Variants in SOX6 observed in about 807,000 individuals in gnomAD.
The protein encoded by SOX6 is transcription factor SOX-6.
In SOX6, 11 loss-of-function variants were observed where a neutral mutation model predicts 97.8. The ratio of observed to expected loss-of-function variants is 0.11; its 90% CI spans 0.07 to 0.19. The LOEUF (loss-of-function observed/expected upper bound fraction) is 0.19. SOX6 is among the 10% of genes least tolerant of loss of function. The pLI is 1.00. For missense variants in SOX6, 810 were observed against 1,039.5 expected (o/e 0.78, Z 3.04); for synonymous variants, 360 against 371.4 (o/e 0.97, Z 0.35).
chr11:16,072,434 A>G (rs1270270682), intron 9 of SOX6, among the ~76,000 whole-genome samples: 1 of 152,316 alleles, frequency 6.6e-6, no homozygotes, highest in East Asian at 1.9e-4. Flanking sequence ...ACCTCCAAGA[A>G]ATATGGGATT....
intron 4 of SOX6, among the ~76,000 whole-genome samples, chr11:16,545,376 A>T (rs11023983): frequency 6.6e-6 from 1 of 150,712 alleles, no homozygotes; most frequent in African/African-American, 2.4e-5. Flanking sequence ...ACATCTCAAT[A>T]GACACAGAAA....
intron 4 of SOX6, among the ~76,000 whole-genome samples, chr11:16,548,514 A>G (rs978148869): frequency 1.3e-5 from 2 of 152,210 alleles, no homozygotes; most frequent in South Asian, 4.1e-4. Context: ...AAAACTATAA[A>G]ATTTCTAGAA....
intron 3 of SOX6, among the ~76,000 whole-genome samples, chr11:16,266,239 G>T (rs983320336): frequency 4.0e-5 from 6 of 151,638 alleles, no homozygotes; most frequent in Non-Finnish European, 8.9e-5. Context: ...ATTCCTCATT[G>T]AAAACAACTC....
At chr11:16,552,218 T>G (rs1377438159) in intron 4 of SOX6, among the ~76,000 whole-genome samples, 1 of 152,072 alleles carries the variant, frequency 6.6e-6, no homozygotes, top group South Asian at 2.1e-4. Flanking sequence ...AGGAGTTAAG[T>G]GTTCCTTTAA....
At chr11:16,126,767 A>G (rs1045668746) in intron 6 of SOX6, among the ~76,000 whole-genome samples, 2 of 152,168 alleles carry the variant, frequency 1.3e-5, no homozygotes, top group Non-Finnish European at 1.5e-5. Flanking sequence ...GTCTAAAGAA[A>G]TCAAGAATAG....
At chr11:16,182,553 G>C (rs375347146) in intron 6 of SOX6, among the ~76,000 whole-genome samples, 170 of 151,966 alleles carry the variant, frequency 1.1e-3, no homozygotes, top group African/African-American at 3.9e-3. Flanking sequence ...GAGATATCAG[G>C]ATGAGAAATT....
intron 12 of SOX6, among the ~76,000 whole-genome samples, chr11:16,021,221 T>C (rs1229720576): frequency 6.6e-6 from 1 of 152,158 alleles, no homozygotes; most frequent in Non-Finnish European, 1.5e-5. Context: ...GAAGTACACA[T>C]TTCAAAATAA....
chr11:16,674,015 C>T (rs1000472271), intron 3 of SOX6, among the ~76,000 whole-genome samples: 1 of 151,812 alleles, frequency 6.6e-6, no homozygotes, highest in Non-Finnish European at 1.5e-5. Flanking sequence ...TGGTGAAACC[C>T]CGTCTCTACT....
intron 2 of SOX6, among the ~76,000 whole-genome samples, chr11:16,339,336 T>A (rs2134337906): frequency 6.6e-6 from 1 of 152,184 alleles, no homozygotes; most frequent in South Asian, 2.1e-4. Flanking sequence ...AACTATATCT[T>A]ATCCTATATT....
chr11:16,667,818 T>C (rs1192627676), intron 3 of SOX6, among the ~76,000 whole-genome samples: 1 of 152,116 alleles, frequency 6.6e-6, no homozygotes, highest in Non-Finnish European at 1.5e-5. Flanking sequence ...GTGCATAAAC[T>C]ACACAAATCT....
At chr11:16,206,716 A>C (rs1207865842) in intron 4 of SOX6, among the ~76,000 whole-genome samples, 1 of 152,230 alleles carries the variant, frequency 6.6e-6, no homozygotes, top group African/African-American at 2.4e-5. Context: ...ATTAAAATCT[A>C]TTTTAGAGTC....
chr11:16,680,026 A>G (rs1228970759), intron 3 of SOX6, among the ~76,000 whole-genome samples: 1 of 152,236 alleles, frequency 6.6e-6, no homozygotes, highest in Non-Finnish European at 1.5e-5. Context: ...ACCAAGTTAG[A>G]AAACACTCTT....
chr11:16,678,192 T>G (rs896158628), intron 3 of SOX6, among the ~76,000 whole-genome samples: 1 of 152,146 alleles, frequency 6.6e-6, no homozygotes, highest in Non-Finnish European at 1.5e-5. Context: ...ATGGTTAGTT[T>G]GGGTTTAGTT....
intron 2 of SOX6, among the ~76,000 whole-genome samples, chr11:16,323,721 G>T (rs971794906): frequency 2.6e-5 from 4 of 151,962 alleles, no homozygotes; most frequent in Admixed American, 6.6e-5. Context: ...TAATATACTG[G>T]AATAAAATAT....
At chr11:16,521,493 T>C (rs1861057090) in intron 4 of SOX6, among the ~76,000 whole-genome samples, 1 of 151,842 alleles carries the variant, frequency 6.6e-6, no homozygotes, top group Non-Finnish European at 1.5e-5. Context: ...ATCACCATCA[T>C]CAAAGACCAA....
intron 1 of SOX6, among the ~76,000 whole-genome samples, chr11:16,424,897 G>A (rs573201119): frequency 6.6e-6 from 1 of 152,298 alleles, no homozygotes; most frequent in East Asian, 1.9e-4. Flanking sequence ...ATGAATTAAA[G>A]GACATCAGAA....
chr11:16,732,869 A>G (rs1157512206), intron 2 of SOX6, among the ~76,000 whole-genome samples: 1 of 152,238 alleles, frequency 6.6e-6, no homozygotes, highest in Non-Finnish European at 1.5e-5. Flanking sequence ...CAGAATCTGC[A>G]CAGAACTTAA....
chr11:16,043,595 T>C (rs1855740465), intron 12 of SOX6, among the ~76,000 whole-genome samples: 1 of 152,174 alleles, frequency 6.6e-6, no homozygotes, highest in Admixed American at 6.5e-5. Context: ...ATTCTATAAG[T>C]ACTGTAAAGA....
At chr11:16,433,081 C>T (rs1859299932) in intron 1 of SOX6, among the ~76,000 whole-genome samples, 3 of 152,082 alleles carry the variant, frequency 2.0e-5, no homozygotes, top group Middle Eastern at 3.4e-3. Context: ...AGAAACCTCT[C>T]GAACCAGACT....
Sources: gnomAD v4.1 joint callset for allele counts (sites outside exome capture counted in the v4.1 genomes callset) on GRCh38, gnomAD v4.1.1 for gene constraint, MANE v1.5 for transcripts, NCBI Gene and HGNC (gene_info 2026-07-23, HGNC 2026-07-21) for gene names.